AAK1: variants seen among roughly 807,000 people sequenced by gnomAD.
The protein encoded by AAK1 is AP2-associated protein kinase 1.
Under a neutral mutation model 116.0 loss-of-function variants are expected in AAK1, and 37 were observed. The observed-to-expected ratio is 0.32, with a 90% CI of 0.25 to 0.42. The LOEUF (loss-of-function observed/expected upper bound fraction) is 0.42, where lower values mean the gene tolerates loss of function less well. Among genes scored for constraint, AAK1 ranks in the 10% least tolerant of loss-of-function variants. The pLI is 1.00. For missense variants in AAK1, 919 were observed against 1,170.6 expected, an observed-to-expected ratio of 0.79 and a Z score of 3.14; for synonymous variants, 458 against 439.9, an observed-to-expected ratio of 1.04 and a Z score of -0.51.
chr2:69,560,743 G>A (rs898973568), intron 2 of AAK1, among the ~76,000 whole-genome samples: 1 of 152,086 alleles, frequency 6.6e-6, no homozygotes, highest in African/African-American at 2.4e-5. Flanking sequence ...ATGGAGATGT[G>A]GATGGCTATT....
At chr2:69,502,476 C>G (rs976026926) in intron 16 of AAK1, among the ~76,000 whole-genome samples, 55 of 152,038 alleles carry the variant, frequency 3.6e-4, no homozygotes, top group African/African-American at 1.3e-3. Context: ...ACAAAATTAG[C>G]CTGGTGTGGT....
chr2:69,582,205 T>C (rs1003693449), intron 2 of AAK1, among the ~76,000 whole-genome samples: 7 of 152,198 alleles, frequency 4.6e-5, no homozygotes, highest in Middle Eastern at 3.2e-3. Flanking sequence ...ATCTATTTTT[T>C]ACAAAAGCCT....
intron 13 of AAK1, among the ~76,000 whole-genome samples, chr2:69,510,194 C>T (rs1676340222): frequency 6.6e-6 from 1 of 152,112 alleles, no homozygotes. Flanking sequence ...TCCTCTCCCT[C>T]CTCCCACCCT....
At chr2:69,622,728 AC>A (rs1674708501) in intron 2 of AAK1, among the ~76,000 whole-genome samples, 1 of 151,862 alleles carries the variant, frequency 6.6e-6, no homozygotes, top group African/African-American at 2.4e-5. Context: ...ACCAATTGGC[AC>A]TCTGTATCTA....
chr2:69,633,566 A>G (rs920744054), intron 2 of AAK1, among the ~76,000 whole-genome samples: 4 of 148,382 alleles, frequency 2.7e-5, no homozygotes, highest in African/African-American at 1.0e-4. Flanking sequence ...GCACCACTGT[A>G]CTCCAGCCTG....
intron 2 of AAK1, among the ~76,000 whole-genome samples, chr2:69,606,889 A>T (rs1473649728): frequency 6.6e-6 from 1 of 152,082 alleles, no homozygotes; most frequent in Non-Finnish European, 1.5e-5. Flanking sequence ...AACCAGGTAA[A>T]ACCCCATCTC....
chr2:69,474,972 C>CGG lies in AAK1; in HGVS notation c.*896_*897insCC. ...ACAATTCCTTCCCCTCCCCATCCTCCCCCCACCCCCGCCCCAGTGAAAAGT... is the reference window on the plus strand; with the variant it reads ...ACAATTCCTTCCCCTCCCCATCCTCCGGCCCCACCCCCGCCCCAGTGAAAAGT... On this transcript the variant is annotated 3_prime_UTR_variant, in exon 22 of 22. Coordinates refer to ENST00000409085, the MANE Select transcript of AAK1 (RefSeq NM_014911.5). The CGG allele has an allele frequency of 4.5e-6, 1 of 222,874 alleles. No individual in the cohort carries two copies. The highest frequency in any genetic ancestry group is 6.9e-6 in the Non-Finnish European group (1 of 144,256). The allele number at this position is 222,874 out of a possible 1,614,324, so 13.8% of individuals were successfully genotyped here.
chr2:69,625,454 A>T (rs1674853067), intron 2 of AAK1, among the ~76,000 whole-genome samples: 1 of 152,254 alleles, frequency 6.6e-6, no homozygotes, highest in Non-Finnish European at 1.5e-5. Context: ...CAAAACAGTA[A>T]CACTCTAATA....
At chr2:69,515,793 T>C (rs2104985032) in intron 12 of AAK1, among the ~76,000 whole-genome samples, 1 of 152,218 alleles carries the variant, frequency 6.6e-6, no homozygotes, top group South Asian at 2.1e-4. Context: ...AGGATACTGT[T>C]TGTCTACTGG....
chr2:69,532,185 C>A, intron 5 of AAK1, 23 bp from the exon 6 acceptor site: 1 of 1,611,978 alleles, frequency 6.2e-7, no homozygotes, highest in Non-Finnish European at 8.5e-7. Flanking sequence ...CCCCAACCAC[C>A]CATTCCAAGA....
At chr2:69,568,953 T>C (rs916516767) in intron 2 of AAK1, among the ~76,000 whole-genome samples, 7 of 152,094 alleles carry the variant, frequency 4.6e-5, no homozygotes, top group East Asian at 1.9e-4. Flanking sequence ...ACTCCCACCA[T>C]TGCCAAGTTG....
chr2:69,495,021 G>A (rs1169658056), intron 17 of AAK1, among the ~76,000 whole-genome samples: 2 of 152,062 alleles, frequency 1.3e-5, no homozygotes, highest in Non-Finnish European at 2.9e-5. Context: ...AACATTTTGG[G>A]AGAGAAAAAA....
chr2:69,502,878 C>T (rs934304288), intron 16 of AAK1, among the ~76,000 whole-genome samples: 3 of 152,078 alleles, frequency 2.0e-5, no homozygotes, highest in Non-Finnish European at 4.4e-5. Context: ...AATTTAGCTT[C>T]AAGAATATTT....
intron 2 of AAK1, among the ~76,000 whole-genome samples, chr2:69,606,794 G>A (rs577407025): frequency 1.3e-5 from 2 of 152,268 alleles, no homozygotes; most frequent in South Asian, 4.2e-4. Flanking sequence ...GGCTAGGTGT[G>A]GTAGCCCACG....
At chr2:69,590,915 C>T (rs556434844) in intron 2 of AAK1, among the ~76,000 whole-genome samples, 120 of 152,298 alleles carry the variant, frequency 7.9e-4, no homozygotes, top group East Asian at 7.7e-4. Flanking sequence ...AGCGATAAGG[C>T]ATGAGACATT....
At chr2:69,632,762 G>A (rs1327777925) in intron 2 of AAK1, among the ~76,000 whole-genome samples, 5 of 152,026 alleles carry the variant, frequency 3.3e-5, no homozygotes. Flanking sequence ...AGCCGGGCAC[G>A]GTGGCTTACG....
chr2:69,475,814 A>T lies in AAK1; in HGVS notation c.*55T>A. 6.5e-7 allele frequency: 1 copy of T among 1,542,684 alleles called. No homozygotes were observed. The highest frequency in any genetic ancestry group is 8.8e-7 in the Non-Finnish European group (1 of 1,137,818). ...TCATTTTTTTCATAACTCCGTAATG[A>T]AAATGTATTTTACGGTATGAAGGTT... On this transcript the variant is annotated 3_prime_UTR_variant, in exon 22 of 22. Coordinates refer to ENST00000409085, the MANE Select transcript of AAK1 (RefSeq NM_014911.5).
At chr2:69,548,848 C>T (rs972102001) in intron 3 of AAK1, among the ~76,000 whole-genome samples, 2 of 152,052 alleles carry the variant, frequency 1.3e-5, no homozygotes, top group African/African-American at 4.8e-5. Flanking sequence ...CGTGATCCAC[C>T]TGCCTTGGCC....
At chr2:69,630,756 T>C (rs1675140496) in intron 2 of AAK1, among the ~76,000 whole-genome samples, 1 of 152,162 alleles carries the variant, frequency 6.6e-6, no homozygotes, top group Admixed American at 6.5e-5. Flanking sequence ...GAGAACATCA[T>C]AGCACTCCCT....
Sources: gnomAD v4.1 joint callset for allele counts (sites outside exome capture counted in the v4.1 genomes callset) on GRCh38, gnomAD v4.1.1 for gene constraint, MANE v1.5 for transcripts, NCBI Gene and HGNC (gene_info 2026-07-23, HGNC 2026-07-21) for gene names.